SP100: variants seen among roughly 807,000 people sequenced by gnomAD.
SP100 encodes the protein SP100 nuclear body protein.
A neutral mutation model predicts 130.0 loss-of-function variants in SP100; 84 were observed. That is an observed-to-expected ratio of 0.65 (90% confidence interval 0.54 to 0.77). SP100 has a LOEUF of 0.77. Ranked by LOEUF, SP100 falls within the 30% of genes least tolerant of loss-of-function variation. The pLI is 0.00. For synonymous variants in SP100, 331 were observed against 351.7 expected (o/e 0.94, Z 0.66); for missense variants, 978 against 1,052.2 (o/e 0.93, Z 0.97).
At chr2:230,485,427 A>G (rs73095079) in intron 17 of SP100, among the ~76,000 whole-genome samples, 1,564 of 152,308 alleles carry the variant, frequency 0.01, 28 homozygotes, top group African/African-American at 0.036. Flanking sequence ...TTTTCTGGCT[A>G]TGGAGTTCAA....
At chr2:230,521,935 G>A (rs1184340394) in intron 24 of SP100, among the ~76,000 whole-genome samples, 1 of 152,126 alleles carries the variant, frequency 6.6e-6, no homozygotes, top group African/African-American at 2.4e-5. Context: ...TCTCTATTGG[G>A]GAACATTTTA....
intron 20 of SP100, among the ~76,000 whole-genome samples, chr2:230,503,467 T>G (rs192803750): frequency 6.6e-6 from 1 of 152,372 alleles, no homozygotes. Flanking sequence ...TTTACCTTTT[T>G]TGATGCCAGG....
intron 2 of SP100, among the ~76,000 whole-genome samples, chr2:230,422,114 AC>A (rs974655208): frequency 6.6e-6 from 1 of 152,126 alleles, no homozygotes; most frequent in Non-Finnish European, 1.5e-5. Context: ...AGTGATTAAA[AC>A]ACTTCTGCCA....
chr2:230,495,403 ACCTCTGCCTCCCAGGTTCAAGCAATTCTG>A (rs1322382642), intron 18 of SP100, among the ~76,000 whole-genome samples: 1 of 152,112 alleles, frequency 6.6e-6, no homozygotes, highest in Non-Finnish European at 1.5e-5. Context: ...GCTCACTGCA[ACCTCTGCCTCCCAGGTTCAAGCAATTCTG>A]CCTCAGCCTC....
intron 2 of SP100, among the ~76,000 whole-genome samples, chr2:230,419,468 T>C (rs1404252228): frequency 6.6e-6 from 1 of 152,188 alleles, no homozygotes; most frequent in African/African-American, 2.4e-5. Context: ...ACCCTTATTT[T>C]AGTCAATAAT....
chr2:230,418,516 C>G (rs1023167461), intron 2 of SP100, among the ~76,000 whole-genome samples: 2 of 152,090 alleles, frequency 1.3e-5, no homozygotes, highest in African/African-American at 4.8e-5. Flanking sequence ...GGCTTTACAG[C>G]TCCTCTAGCC....
rs1051926029 is a variant in SP100, at chr2:230,469,424, T to C, written c.1345+328T>C. On this transcript the variant is annotated intron_variant, in intron 14 of 28. Transcript: ENST00000340126. ...TTAAGATGTTGCTTCCATGGTTCCCTTGGATAAGAAACTGAGATGGAAGCA... is the reference window on the plus strand; with the variant it reads ...TTAAGATGTTGCTTCCATGGTTCCCCTGGATAAGAAACTGAGATGGAAGCA... The C allele has an allele frequency of 2.0e-5, 10 of 488,534 alleles. No individual in the cohort carries two copies. In the East Asian group the frequency reaches 5.3e-4, roughly 26 times the overall value. The allele number at this position is 488,534 out of a possible 1,614,324, so 30.3% of individuals were successfully genotyped here. A position where few individuals can be genotyped will look rare whatever the true frequency, so the allele number is the denominator to read the frequency against.
At position 230,427,505 on chromosome 2, in the gene SP100, G is replaced by T. The variant is rs190752027; in HGVS notation, c.107+9840G>T. On this transcript the variant is annotated intron_variant, in intron 2 of 28. Transcript: ENST00000340126. Reference sequence around the variant, plus strand: ...GCAGCAGATTGTTTGATATTGTGGGGTTTTTTTTAATCCATTCAGTCACTC... The same window carrying T: ...GCAGCAGATTGTTTGATATTGTGGGTTTTTTTTTAATCCATTCAGTCACTC... Among the ~76,000 whole-genome samples, 789 of 151,848 alleles carry T rather than the reference G, an allele frequency of 5.2e-3. 2 individuals are homozygous for T. The highest frequency in any genetic ancestry group is 0.018 in the African/African-American group (748 of 41,412).
At chr2:230,538,463 C>G (rs894526386) in intron 24 of SP100, 1 of 152,146 alleles carries the variant, frequency 6.6e-6, no homozygotes, top group African/African-American at 2.4e-5. Context: ...AGCTCAGGCA[C>G]CCCCCTTGGA....
chr2:230,491,458 G>A (rs1013135515), intron 17 of SP100, among the ~76,000 whole-genome samples: 1 of 152,214 alleles, frequency 6.6e-6, no homozygotes, highest in African/African-American at 2.4e-5. Context: ...GTAGGCCACA[G>A]CCAGTGTGTT....
Position 230,460,592 on chromosome 2 carries a change from C to CTTT in SP100, c.821-630_821-628dup, listed in dbSNP as rs1193506734. Among the ~76,000 whole-genome samples, 64 of 17,188 alleles carry CTTT rather than the reference C, an allele frequency of 3.7e-3. 16 individuals are homozygous for CTTT. The highest frequency in any genetic ancestry group is 8.9e-3 in the East Asian group (6 of 676). The allele number at this position is 17,188 out of a possible 152,430, so 11.3% of individuals were successfully genotyped here. A position where few individuals can be genotyped will look rare whatever the true frequency, so the allele number is the denominator to read the frequency against. Reference sequence around the variant, plus strand: ...TGTCTGGGGTATTGGTAATCTGTTTCTTTTTTTTTTTTTTTTTTTTTTTTT... The same window carrying CTTT: ...TGTCTGGGGTATTGGTAATCTGTTTCTTTTTTTTTTTTTTTTTTTTTTTTTTTT... On this transcript the variant is annotated intron_variant, in intron 8 of 28. Transcript: ENST00000340126.
In SP100 at chr2:230,466,329, A is replaced by T. The variant is rs754516320; in HGVS notation, c.1170A>T (p.Thr390=). ...CCATGGATTTCAGAAAATTATCTAC[A>T]TTCAGAGAAAGTTTTAAGAAAAGAG... ...PEPMDFRKLS[T]FRESFKKRVI... is the part of the protein sequence containing the mutation. Residue 390 remains threonine (T), a synonymous_variant, in exon 12 of 29, where the codon ACA becomes ACT. Transcript: ENST00000340126. 3 of 1,583,530 alleles carry T rather than the reference A, an allele frequency of 1.9e-6. No individual in the cohort carries two copies. The African/African-American group carries it at 4.0e-5, about 21-fold the overall frequency.
intron 15 of SP100, among the ~76,000 whole-genome samples, chr2:230,471,812 A>G (rs1464500322): frequency 6.6e-6 from 1 of 152,204 alleles, no homozygotes; most frequent in East Asian, 1.9e-4. Flanking sequence ...ATGAAAAGAT[A>G]TAAGAGTCAG....
intron 13 of SP100, among the ~76,000 whole-genome samples, 175 bp downstream of exon 13, chr2:230,467,390 T>A (rs2065017397): frequency 6.6e-6 from 1 of 152,240 alleles, no homozygotes; most frequent in Non-Finnish European, 1.5e-5. Context: ...CTTAACAAGA[T>A]GGTTGTGGTT....
rs142360504 is a variant in SP100 at position 230,540,360 on chromosome 2, C to A, written c.2211-516C>A. ...CAAATGAAAGATATCTGACACCTCT[C>A]TGGAGATTTCCTTTTCAAGAAGTTT... On this transcript the variant is annotated intron_variant, in intron 25 of 28. Coordinates refer to ENST00000340126, the MANE Select transcript of SP100 (RefSeq NM_001080391.2). Among the ~76,000 whole-genome samples the A allele has an allele frequency of 4.9e-3, 748 of 152,318 alleles. 4 individuals are homozygous for A. The highest frequency in any genetic ancestry group is 0.017 in the African/African-American group (714 of 41,574).
intron 14 of SP100, chr2:230,469,666 G>T: frequency 1.1e-6 from 1 of 882,868 alleles, no homozygotes; most frequent in East Asian, 6.0e-5. Flanking sequence ...GAGCTTTGGG[G>T]TTATATACAT....
intron 8 of SP100, among the ~76,000 whole-genome samples, chr2:230,453,970 C>T (rs924503483): frequency 1.3e-5 from 2 of 152,070 alleles, no homozygotes; most frequent in South Asian, 2.1e-4. Context: ...TTAAATCTTA[C>T]TCATTATTGG....
intron 2 of SP100, among the ~76,000 whole-genome samples, chr2:230,426,373 T>A (rs891889321): frequency 4.6e-5 from 7 of 152,220 alleles, no homozygotes; most frequent in African/African-American, 1.7e-4. Flanking sequence ...TTTATAGCTA[T>A]AAACTTGCCT....
intron 1 of SP100, among the ~76,000 whole-genome samples, chr2:230,416,605 C>T (rs925150252): frequency 2.0e-5 from 3 of 152,178 alleles, no homozygotes; most frequent in Non-Finnish European, 4.4e-5. Flanking sequence ...CTAAACATAG[C>T]AGTTGTTGGT....
Sources: allele counts gnomAD v4.1 joint callset (sites outside exome capture counted in the v4.1 genomes callset), GRCh38; gene constraint gnomAD v4.1.1; transcripts MANE v1.5; gene names NCBI Gene and HGNC (gene_info 2026-07-23, HGNC 2026-07-21).